The following COL4A6 variants were observed in gnomAD, a reference collection of about 807,000 sequenced individuals.
COL4A6 encodes the protein collagen type IV alpha 6 chain, also known as collagen alpha-6(IV) chain.
COL4A6 carries 59 observed loss-of-function variants against 126.7 expected under a neutral mutation model. The observed-to-expected ratio is 0.47, with a 90% confidence interval of 0.38 to 0.58. The LOEUF is 0.58. Among genes scored for constraint, COL4A6 ranks in the 20% least tolerant of loss-of-function variants. COL4A6 has a pLI of 0.00. For synonymous variants in COL4A6, 547 were observed against 496.6 expected, an observed-to-expected ratio of 1.10 and a Z score of -1.35; for missense variants, 1,285 against 1,337.3, an observed-to-expected ratio of 0.96 and a Z score of 0.61.
chrX:108,359,880 T>A (rs1028718926), intron 2 of COL4A6, among the ~76,000 whole-genome samples: 3 of 112,428 alleles, frequency 2.7e-5, no homozygotes, highest in Non-Finnish European at 5.6e-5. Flanking sequence ...ATAAAGAAGT[T>A]CCGTGTACAT....
At chrX:108,282,121 A>G (rs377697653) in intron 3 of COL4A6, among the ~76,000 whole-genome samples, 2 of 109,768 alleles carry the variant, frequency 1.8e-5, no homozygotes, top group African/African-American at 6.6e-5. Context: ...AAAAGCAATG[A>G]CAACAAAAGC....
intron 3 of COL4A6, among the ~76,000 whole-genome samples, chrX:108,278,124 A>G (rs192681010): frequency 1.1e-3 from 121 of 112,519 alleles, no homozygotes; most frequent in African/African-American, 3.5e-3. Context: ...CACCAGCAAC[A>G]GAACAAAGCT....
chrX:108,180,160 A>G lies in COL4A6; in HGVS notation c.2131+355T>C, dbSNP rs777607695. ...TCACTGGCCCTTAAGGAGTTGATCC[A>G]GGAAACTCATAGAACTGGCAGACAG... On this transcript the variant is annotated intron_variant, in intron 25 of 44. Coordinates refer to ENST00000334504, the MANE Select transcript of COL4A6 (RefSeq NM_033641.4). 2.7e-5 allele frequency among the ~76,000 whole-genome samples: 3 copies of G among 111,240 alleles called. No homozygotes were observed. In the East Asian group the frequency reaches 8.6e-4, roughly 32 times the overall value.
chrX:108,387,071 CTA>C (rs931313167), intron 2 of COL4A6, among the ~76,000 whole-genome samples: 5 of 111,121 alleles, frequency 4.5e-5, no homozygotes, highest in African/African-American at 1.3e-4. Context: ...TTCCATTGGT[CTA>C]TATATATTTT....
intron 33 of COL4A6, 76 bp downstream of exon 33, chrX:108,171,311 G>C: frequency 1.1e-6 from 1 of 905,858 alleles, no homozygotes; most frequent in Non-Finnish European, 1.6e-6. Context: ...ACTTGGGGTT[G>C]ACCTCCAAAA....
chrX:108,238,757 T>A (rs2036499833), intron 3 of COL4A6, among the ~76,000 whole-genome samples: 1 of 110,463 alleles, frequency 9.1e-6, no homozygotes, highest in African/African-American at 3.3e-5. Flanking sequence ...ACATGGTTAA[T>A]ACCAATGAGT....
At chrX:108,160,902 C>T (rs1203083610) in intron 42 of COL4A6, among the ~76,000 whole-genome samples, 4 of 112,075 alleles carry the variant, frequency 3.6e-5, no homozygotes, top group Non-Finnish European at 7.5e-5. Context: ...ACAGACGCCC[C>T]ATTTTTCAAA....
intron 3 of COL4A6, among the ~76,000 whole-genome samples, chrX:108,289,982 C>G (rs2038119190): frequency 9.0e-6 from 1 of 111,464 alleles, no homozygotes; most frequent in African/African-American, 3.3e-5. Context: ...AATCAGTGTC[C>G]CCCTCTCACC....
intron 2 of COL4A6, among the ~76,000 whole-genome samples, chrX:108,431,038 T>C (rs1342206534): frequency 9.0e-6 from 1 of 111,222 alleles, no homozygotes; most frequent in Non-Finnish European, 1.9e-5. Flanking sequence ...GGAGGCATAG[T>C]TAAAACCATT....
intron 2 of COL4A6, among the ~76,000 whole-genome samples, chrX:108,331,161 A>G (rs2039288497): frequency 1.8e-5 from 2 of 111,731 alleles, no homozygotes; most frequent in African/African-American, 6.5e-5. Flanking sequence ...TCTCTTCTAA[A>G]TATTCCCAGA....
intron 3 of COL4A6, among the ~76,000 whole-genome samples, chrX:108,263,269 C>G: frequency 8.9e-6 from 1 of 111,958 alleles, no homozygotes; most frequent in South Asian, 3.7e-4. Flanking sequence ...TTTACCTACA[C>G]ATTCGAATCA....
intron 2 of COL4A6, among the ~76,000 whole-genome samples, chrX:108,362,192 C>A (rs2040102275): frequency 9.0e-6 from 1 of 111,650 alleles, no homozygotes; most frequent in Non-Finnish European, 1.9e-5. Context: ...ACTCTAATAA[C>A]TATTTTGCCT....
Position 108,172,492 on chromosome X carries a change from G to A in COL4A6, c.3179C>T (p.Ala1060Val). 8.3e-7 allele frequency: 1 copy of A among 1,204,059 alleles called. No individual in the cohort carries two copies. The highest frequency in any genetic ancestry group is 1.8e-5 in the South Asian group (1 of 55,984). Residue 1060 changes from alanine to valine, a missense_variant, in exon 32 of 45, where the codon GCA (alanine) becomes GTA (valine). Coordinates refer to ENST00000334504, the MANE Select transcript of COL4A6 (RefSeq NM_033641.4). ...GIRGSPGLPG[A>V]SGLPGLKGDN... ...ACCTTTCAGGCCTGGGAGACCAGAT[G>A]CTCCTGGGAGTCCAGGCGACCCTCT...
At position 108,191,471 on chromosome X, in the gene COL4A6, C is replaced by G; in HGVS notation, c.1243G>C (p.Gly415Arg). 8.3e-7 allele frequency: 1 copy of G among 1,211,616 alleles called. No individual in the cohort carries two copies. The highest frequency in any genetic ancestry group is 1.1e-6 in the Non-Finnish European group (1 of 895,349). ...PGLKGDQGNP[G>R]RTTIGAAGLP... ...CCAGCTGCTCCAATTGTGGTACGGCCTGGGTTTCCTTGGTCCCCCTTCAGC... is the reference window on the plus strand; with the variant it reads ...CCAGCTGCTCCAATTGTGGTACGGCGTGGGTTTCCTTGGTCCCCCTTCAGC... Residue 415 changes from glycine to arginine, a missense_variant, in exon 19 of 45, where the codon GGC becomes CGC. Coordinates refer to ENST00000334504, the MANE Select transcript of COL4A6 (RefSeq NM_033641.4).
intron 3 of COL4A6, among the ~76,000 whole-genome samples, chrX:108,234,770 A>G (rs1424917772): frequency 8.9e-6 from 1 of 111,931 alleles, no homozygotes; most frequent in Non-Finnish European, 1.9e-5. Flanking sequence ...TATTCTTCCA[A>G]ACTAGAGAGT....
At chrX:108,356,581 A>G (rs1381110945) in intron 2 of COL4A6, among the ~76,000 whole-genome samples, 1 of 111,258 alleles carries the variant, frequency 9.0e-6, no homozygotes, top group Non-Finnish European at 1.9e-5. Context: ...ATTTTGATTT[A>G]TCAAGTTACC....
In COL4A6 at chrX:108,262,509, C is replaced by T. The variant is rs2037192111; in HGVS notation, c.145-41135G>A. 6.3e-5 allele frequency among the ~76,000 whole-genome samples: 7 copies of T among 111,290 alleles called. No individual in the cohort carries two copies. The South Asian group carries it at 2.7e-3, about 43-fold the overall frequency. ...ACATTAATCACTAATGGTGGAAATT[C>T]AAGCATAAGTGAAAAAACTGGGTGT... is the stretch of plus-strand genomic sequence containing the variant. On this transcript the variant is annotated intron_variant, in intron 3 of 44. Transcript: ENST00000334504.
At chrX:108,160,850 G>T (rs1479219586) in intron 42 of COL4A6, among the ~76,000 whole-genome samples, 196 bp from the exon 43 acceptor site, 1 of 112,384 alleles carries the variant, frequency 8.9e-6, no homozygotes, top group Non-Finnish European at 1.9e-5. Context: ...CCTACAGCTA[G>T]TAAGTGGTAG....
At chrX:108,253,904 T>C (rs2036922937) in intron 3 of COL4A6, among the ~76,000 whole-genome samples, 1 of 111,772 alleles carries the variant, frequency 8.9e-6, no homozygotes, top group Non-Finnish European at 1.9e-5. Context: ...TTACAGTGAA[T>C]CTTTCATATA....
Sources: gnomAD v4.1 joint callset for allele counts (sites outside exome capture counted in the v4.1 genomes callset) on GRCh38, gnomAD v4.1.1 for gene constraint, MANE v1.5 for transcripts, NCBI Gene and HGNC (gene_info 2026-07-23, HGNC 2026-07-21) for gene names.